PPP1R10: variants seen among roughly 807,000 people sequenced by gnomAD.
PPP1R10 encodes the protein serine/threonine-protein phosphatase 1 regulatory subunit 10.
PPP1R10 carries 15 observed loss-of-function variants against 99.0 expected under a neutral mutation model. The ratio of observed to expected loss-of-function variants is 0.15; its 90% CI spans 0.10 to 0.23. PPP1R10 has a LOEUF of 0.23. PPP1R10 is among the 10% of genes least tolerant of loss of function. The pLI is 1.00. For missense variants in PPP1R10, 947 were observed against 1,259.4 expected (o/e 0.75, Z 3.75); for synonymous variants, 430 against 449.5 (o/e 0.96, Z 0.55).
chr6:30,615,861 G>A (rs1760452677), intron 2 of PPP1R10, among the ~76,000 whole-genome samples: 1 of 152,014 alleles, frequency 6.6e-6, no homozygotes, highest in Non-Finnish European at 1.5e-5. Flanking sequence ...TTTATTCCTA[G>A]ATTGCCACCT....
chr6:30,607,982 G>GTT, intron 5 of PPP1R10, 91 bp from the exon 6 acceptor site: 2 of 1,150,346 alleles, frequency 1.7e-6, no homozygotes, highest in East Asian at 2.5e-5. Context: ...AGTCCTCCCT[G>GTT]CTTTTTTTTT....
intron 2 of PPP1R10, among the ~76,000 whole-genome samples, chr6:30,610,652 A>G (rs968081941): frequency 6.6e-6 from 1 of 152,230 alleles, no homozygotes; most frequent in Non-Finnish European, 1.5e-5. Context: ...ACTGTCACTC[A>G]TTAGCCAAAC....
intron 2 of PPP1R10, chr6:30,614,467 G>C (rs1009151021): frequency 2.0e-5 from 3 of 152,150 alleles, no homozygotes; most frequent in African/African-American, 4.8e-5. Flanking sequence ...TGCAGAACGT[G>C]ATACAGCACT....
At position 30,606,753 on chromosome 6, in the gene PPP1R10, A is replaced by G. The variant is rs777142581; in HGVS notation, c.460+26T>C. 1.9e-6 allele frequency: 3 copies of G among 1,611,676 alleles called. No individual in the cohort carries two copies. The East Asian group carries it at 6.7e-5, about 36-fold the overall frequency. On this transcript the variant is annotated intron_variant, in intron 7 of 19. Coordinates refer to ENST00000376511, the MANE Select transcript of PPP1R10 (RefSeq NM_002714.4). The surrounding 1 kb of genome is among the most constrained non-coding windows in gnomAD (Gnocchi z 6.3). ...ATCCCAATAGGAAAGAAATAAATACAAAGGATAAAGGACTAAGGAGCTTAC... is the reference window on the plus strand; with the variant it reads ...ATCCCAATAGGAAAGAAATAAATACGAAGGATAAAGGACTAAGGAGCTTAC...
At position 30,616,977 on chromosome 6, in the gene PPP1R10, C is replaced by G. The variant is rs1242913050; in HGVS notation, c.-511G>C. 8.5e-5 allele frequency: 13 copies of G among 152,238 alleles called. No homozygotes were observed. The highest frequency in any genetic ancestry group is 1.9e-4 in the Non-Finnish European group (13 of 68,094). The allele number at this position is 152,238 out of a possible 1,614,324, so 9.4% of individuals were successfully genotyped here. On this transcript the variant is annotated 5_prime_UTR_variant, in exon 2 of 20. Coordinates refer to ENST00000376511, the MANE Select transcript of PPP1R10 (RefSeq NM_002714.4). ...TCTGTTTTCCTCGTGGCCGGCCTGT[C>G]TTTCTCCGAGAAAATTCAAACCTGG...
intron 5 of PPP1R10, 92 bp from the exon 6 acceptor site, chr6:30,607,983 CTTTTT>C (rs373428073): frequency 1.3e-5 from 12 of 906,436 alleles, no homozygotes; most frequent in African/African-American, 3.7e-5. Context: ...GTCCTCCCTG[CTTTTT>C]TTTTTTTTTT....
rs1804392140 is a variant in PPP1R10 at position 30,610,005 on chromosome 6, AGGAC to A, written c.-11-54_-11-51del. The A allele has an allele frequency of 1.8e-5, 23 of 1,256,362 alleles. No homozygotes were observed. In the South Asian group the frequency reaches 2.8e-4, roughly 15 times the overall value. 77.8% of individuals were successfully genotyped at this position (1,256,362 alleles called of 1,614,324 possible). The stretch of plus-strand genomic sequence containing the variant: ...AAACCCACAGAATAAATGGGTGGCA[AGGAC>A]TACCCGAGTAGGCCCTCTAATAAAC... On this transcript the variant is annotated intron_variant, in intron 2 of 19. Transcript: ENST00000376511.
Position 30,604,026 on chromosome 6 carries a change from A to G in PPP1R10, c.1490T>C (p.Leu497Pro), listed in dbSNP as rs1187814261. 1 of 1,600,246 alleles carries G rather than the reference A, an allele frequency of 6.2e-7. No homozygotes were observed. Among genetic ancestry groups the G allele is most frequent in the Non-Finnish European group, 8.5e-7 (1 of 1,172,152 alleles). The stretch of plus-strand genomic sequence containing the variant: ...TGCTCACCTCTCCTTGTTCAGGAAG[A>G]GCTCCTGAAGGATTCCCTTCTCCCG... Reference protein sequence around the residue: ...AEREKGILQELFLNKESPHEP... With the variant: ...AEREKGILQEPFLNKESPHEP... The change falls in exon 14 of 20, where the codon CTC becomes CCC. Residue 497 changes from leucine to proline, a missense_variant. Leu to Pro is a moderately conservative substitution (Grantham distance 98, BLOSUM62 -3). Transcript: ENST00000376511. This position sits in a 1 kb window ranked among gnomAD's most constrained non-coding sequence, Gnocchi z 7.3.
intron 2 of PPP1R10, among the ~76,000 whole-genome samples, chr6:30,616,116 T>C (rs758836000): frequency 6.6e-6 from 1 of 152,228 alleles, no homozygotes; most frequent in Non-Finnish European, 1.5e-5. Context: ...TTAACCCTTT[T>C]GAAGACTGCT....
At chr6:30,608,370 C>T (rs1804186195) in intron 5 of PPP1R10, among the ~76,000 whole-genome samples, 1 of 150,374 alleles carries the variant, frequency 6.7e-6, no homozygotes, top group South Asian at 2.1e-4. Context: ...GGTGCGATCT[C>T]GGCTCACAAT....
chr6:30,603,347 A>T (rs1383541257), intron 16 of PPP1R10, 62 bp from the exon 17 acceptor site: 1 of 1,577,426 alleles, frequency 6.3e-7, no homozygotes, highest in Non-Finnish European at 8.7e-7. Context: ...GGCGAAAGAT[A>T]GCGCCAAAGA....
intron 5 of PPP1R10, among the ~76,000 whole-genome samples, chr6:30,608,285 C>A (rs1010259392): frequency 6.7e-5 from 10 of 150,332 alleles, no homozygotes; most frequent in African/African-American, 2.2e-4. Context: ...AGCCACCACA[C>A]CTGGCTGACA....
At position 30,601,417 on chromosome 6, in the gene PPP1R10, GT is replaced by G; in HGVS notation, c.*131del. ...AGAAAACCCCCAGGAACCCAAGCAA[GT>G]GGGAACTGAGGGGGCCGGCTCCTCA... On this transcript the variant is annotated 3_prime_UTR_variant, in exon 20 of 20. Transcript: ENST00000376511. 1 of 704,264 alleles carries G rather than the reference GT, an allele frequency of 1.4e-6. No homozygotes were observed. The highest frequency in any genetic ancestry group is 1.8e-5 in the South Asian group (1 of 54,416). 43.6% of individuals were successfully genotyped at this position (704,264 alleles called of 1,614,324 possible).
chr6:30,614,119 GAAGA>G (rs1161175940), intron 2 of PPP1R10, among the ~76,000 whole-genome samples: 4 of 152,110 alleles, frequency 2.6e-5, no homozygotes, highest in Non-Finnish European at 5.9e-5. Context: ...AAATTTGGGG[GAAGA>G]AAGGAACCAG....
chr6:30,603,010 A>G (rs1382498160), intron 17 of PPP1R10, 51 bp from the exon 18 acceptor site: 21 of 1,464,064 alleles, frequency 1.4e-5, no homozygotes, highest in Non-Finnish European at 1.9e-5. Context: ...GAAGACTAGC[A>G]TGATCTCCCA....
At chr6:30,601,694 T>C in intron 19 of PPP1R10, 36 bp from the exon 20 acceptor site, 1 of 1,580,642 alleles carries the variant, frequency 6.3e-7, no homozygotes. Flanking sequence ...AGACAGGAAA[T>C]AGCTGAGGGC....
chr6:30,615,711 C>A (rs1435147643), intron 2 of PPP1R10, among the ~76,000 whole-genome samples: 1 of 152,170 alleles, frequency 6.6e-6, no homozygotes, highest in African/African-American at 2.4e-5. Context: ...CAAAAAATAT[C>A]AAGTTAAAAT....
At position 30,601,482 on chromosome 6, in the gene PPP1R10, A is replaced by G. The variant is rs1031946378; in HGVS notation, c.*67T>C. On this transcript the variant is annotated 3_prime_UTR_variant, in exon 20 of 20. Transcript: ENST00000376511. ...AGGGAAAATGGGCCTCACAGAAGCC[A>G]TAACAGGGTGGAAAGAGCGAGGCTG... 24 of 1,390,584 alleles carry G rather than the reference A, an allele frequency of 1.7e-5. No homozygotes were observed. In the Admixed American group the frequency reaches 2.1e-4, roughly 12 times the overall value. 86.1% of individuals were successfully genotyped at this position (1,390,584 alleles called of 1,614,324 possible).
chr6:30,606,863 G>A lies in PPP1R10; in HGVS notation c.383-7C>T. ...GAGGCCAATTTCCGGAGCTCTGCAG[G>A]TGACAGAAAGGGGAAATGCCTAAAT... On this transcript the variant is annotated splice_polypyrimidine_tract_variant and splice_region_variant and intron_variant, in intron 6 of 19. Transcript: ENST00000376511. The surrounding 1 kb of genome is among the most constrained non-coding windows in gnomAD (Gnocchi z 6.3). 1 of 1,610,392 alleles carries A rather than the reference G, an allele frequency of 6.2e-7. No individual in the cohort carries two copies. The highest frequency in any genetic ancestry group is 8.5e-7 in the Non-Finnish European group (1 of 1,176,828).
Sources: allele counts gnomAD v4.1 joint callset (sites outside exome capture counted in the v4.1 genomes callset), GRCh38; gene constraint gnomAD v4.1.1; non-coding constraint Gnocchi (gnomAD v3.1); transcripts MANE v1.5; gene names NCBI Gene and HGNC (gene_info 2026-07-23, HGNC 2026-07-21).